The following SKI variants were observed in gnomAD, a reference collection of about 807,000 sequenced individuals.
The protein encoded by SKI is SKI proto-oncogene.
A neutral mutation model predicts 59.3 loss-of-function variants in SKI; 23 were observed. That is an observed-to-expected ratio of 0.39 (90% CI 0.28 to 0.55). SKI has a LOEUF of 0.55. Ranked by LOEUF, SKI falls within the 20% of genes least tolerant of loss-of-function variation. The probability of loss-of-function intolerance (pLI) is 0.67; values close to 1 mark genes in which losing one functional copy is unlikely to be tolerated. For missense variants in SKI, 1,017 were observed against 1,038.9 expected (o/e 0.98, Z 0.29); for synonymous variants, 673 against 488.6 (o/e 1.38, Z -4.98).
At chr1:2,271,178 C>T (rs1052338580) in intron 1 of SKI, among the ~76,000 whole-genome samples, 2 of 152,132 alleles carry the variant, frequency 1.3e-5, no homozygotes, top group African/African-American at 4.8e-5. Flanking sequence ...GGGACAGTCC[C>T]TGAGAAGCAC....
At chr1:2,247,478 AGAT>A (rs1319940593) in intron 1 of SKI, among the ~76,000 whole-genome samples, 42 of 152,348 alleles carry the variant, frequency 2.8e-4, no homozygotes, top group African/African-American at 1.0e-3. Flanking sequence ...GCTTCGCTGA[AGAT>A]GATACTTGCC....
Position 2,246,545 on chromosome 1 carries a change from C to T in SKI, c.969+16810C>T, listed in dbSNP as rs561739923. On this transcript the variant is annotated intron_variant, in intron 1 of 6. Transcript: ENST00000378536. The stretch of plus-strand genomic sequence containing the variant: ...TGGTGGTCAGGAAGCTGGAGCGTCT[C>T]GGCGCCAGATTCATGTTTGTAAGAG... 3.3e-5 allele frequency among the ~76,000 whole-genome samples: 5 copies of T among 152,266 alleles called. No individual in the cohort carries two copies. In the East Asian group the frequency reaches 5.8e-4, roughly 18 times the overall value.
intron 1 of SKI, among the ~76,000 whole-genome samples, chr1:2,237,991 G>A (rs745347300): frequency 1.2e-4 from 18 of 152,288 alleles, no homozygotes; most frequent in Non-Finnish European, 2.5e-4. Flanking sequence ...TCTCTCCCCG[G>A]TGCCCTCCCG....
chr1:2,298,716 A>T (rs1640349520), intron 1 of SKI, among the ~76,000 whole-genome samples: 1 of 152,222 alleles, frequency 6.6e-6, no homozygotes, highest in Non-Finnish European at 1.5e-5. Context: ...AGGTGCAGAC[A>T]TTCAGAGACA....
At position 2,228,894 on chromosome 1, in the gene SKI, C is replaced by T; in HGVS notation, c.128C>T (p.Ala43Val). ...CCGGCCGCTTTCTCGGCGCGCTGGG[C>T]GCAGGAGGCCTACAAGAAGGAGAGC... ...GGPAAFSARW[A>V]QEAYKKESAK... Residue 43 changes from alanine (A) to valine (V), a missense_variant, in exon 1 of 7, where the codon GCG becomes GTG. Transcript: ENST00000378536. 2 of 1,421,498 alleles carry T rather than the reference C, an allele frequency of 1.4e-6. No individual in the cohort carries two copies. Among genetic ancestry groups the T allele is most frequent in the South Asian group, 1.3e-5 (1 of 76,020 alleles). The allele number at this position is 1,421,498 out of a possible 1,614,324, so 88.1% of individuals were successfully genotyped here.
chr1:2,230,347 C>T (rs1360950065), intron 1 of SKI, among the ~76,000 whole-genome samples: 1 of 152,116 alleles, frequency 6.6e-6, no homozygotes, highest in Non-Finnish European at 1.5e-5. Context: ...GGCAGGGGCC[C>T]GAGACTTGGC....
chr1:2,233,350 G>T (rs1271498383), intron 1 of SKI, among the ~76,000 whole-genome samples: 4 of 152,098 alleles, frequency 2.6e-5, no homozygotes, highest in African/African-American at 9.7e-5. Flanking sequence ...GGGGCGGTGG[G>T]CTGCCTGTGT....
chr1:2,301,892 C>T (rs1640434314), intron 1 of SKI, among the ~76,000 whole-genome samples: 1 of 152,236 alleles, frequency 6.6e-6, no homozygotes, highest in Admixed American at 6.5e-5. Context: ...TGGTGTAGAC[C>T]TGGTGCCAGC....
intron 1 of SKI, among the ~76,000 whole-genome samples, chr1:2,254,162 C>G (rs1639224497): frequency 6.6e-6 from 1 of 152,184 alleles, no homozygotes; most frequent in African/African-American, 2.4e-5. Context: ...AGGTGTTGGA[C>G]CCACGTGGGA....
At chr1:2,280,259 C>G (rs1179331638) in intron 1 of SKI, among the ~76,000 whole-genome samples, 2 of 151,946 alleles carry the variant, frequency 1.3e-5, no homozygotes, top group Non-Finnish European at 2.9e-5. Context: ...CCTGTAGTCC[C>G]CAGCTACTTG....
At chr1:2,250,339 C>T (rs1001672598) in intron 1 of SKI, among the ~76,000 whole-genome samples, 4 of 152,220 alleles carry the variant, frequency 2.6e-5, no homozygotes, top group Non-Finnish European at 4.4e-5. Flanking sequence ...ACCCGCTGTC[C>T]GTTCCCAGCG....
Position 2,308,211 on chromosome 1 carries a change from A to G in SKI, c.*1446A>G, listed in dbSNP as rs979253126. On this transcript the variant is annotated 3_prime_UTR_variant, in exon 7 of 7. Coordinates refer to ENST00000378536, the MANE Select transcript of SKI (RefSeq NM_003036.4). ...TTGAATCCGTTCTAACACCCGCGGC[A>G]GCTGCACGCGCTCACAGAAGGTGGA... 7 of 152,204 alleles carry G rather than the reference A, an allele frequency of 4.6e-5. No individual in the cohort carries two copies. The highest frequency in any genetic ancestry group is 1.0e-4 in the Non-Finnish European group (7 of 68,046). The allele number at this position is 152,204 out of a possible 1,614,324, so 9.4% of individuals were successfully genotyped here. A position where few individuals can be genotyped will look rare whatever the true frequency, so the allele number is the denominator to read the frequency against.
chr1:2,239,639 G>C (rs2100806346), intron 1 of SKI, among the ~76,000 whole-genome samples: 1 of 152,378 alleles, frequency 6.6e-6, no homozygotes, highest in South Asian at 2.1e-4. Context: ...CTGGTGGCGG[G>C]CTCCCTGGTG....
At chr1:2,285,804 G>C (rs1640027602) in intron 1 of SKI, among the ~76,000 whole-genome samples, 1 of 149,766 alleles carries the variant, frequency 6.7e-6, no homozygotes, top group African/African-American at 2.5e-5. Flanking sequence ...GACCTCACAT[G>C]ATCTGCTCAT....
chr1:2,298,680 C>T (rs1181649386), intron 1 of SKI, among the ~76,000 whole-genome samples: 1 of 152,254 alleles, frequency 6.6e-6, no homozygotes, highest in African/African-American at 2.4e-5. Context: ...CTGGGTGCTG[C>T]TTCCAGGCAG....
At chr1:2,285,993 C>T (rs1640033246) in intron 1 of SKI, among the ~76,000 whole-genome samples, 1 of 151,760 alleles carries the variant, frequency 6.6e-6, no homozygotes, top group Admixed American at 6.6e-5. Context: ...CCTGCCTCAG[C>T]CTCCCGAGTA....
rs796259982 is a variant in SKI at position 2,303,494 on chromosome 1, G to A, written c.1211+94G>A. 5.9e-5 allele frequency: 66 copies of A among 1,115,886 alleles called. No individual in the cohort carries two copies. The African/African-American group carries it at 8.5e-4, about 14-fold the overall frequency. The allele number at this position is 1,115,886 out of a possible 1,614,324, so 69.1% of individuals were successfully genotyped here. On this transcript the variant is annotated intron_variant, in intron 3 of 6. Transcript: ENST00000378536. This position sits in a 1 kb window ranked among gnomAD's most constrained non-coding sequence, Gnocchi z 5.6. ...GCGCCCATGTTTCTGCAGGCTGGGT[G>A]CCCAGACCTGCCGCCTTTTGGTCAG...
At chr1:2,238,164 C>A (rs150510334) in intron 1 of SKI, among the ~76,000 whole-genome samples, 3 of 152,352 alleles carry the variant, frequency 2.0e-5, no homozygotes, top group Non-Finnish European at 4.4e-5. Flanking sequence ...GGAGTTAGGC[C>A]TCATTGTCCG....
chr1:2,299,078 G>T (rs1234931378), intron 1 of SKI, among the ~76,000 whole-genome samples: 1 of 152,252 alleles, frequency 6.6e-6, no homozygotes, highest in Non-Finnish European at 1.5e-5. Flanking sequence ...AATTCTCTCA[G>T]CAAAGGCTGA....
Sources: allele counts gnomAD v4.1 joint callset (sites outside exome capture counted in the v4.1 genomes callset), GRCh38; gene constraint gnomAD v4.1.1; non-coding constraint Gnocchi (gnomAD v3.1); transcripts MANE v1.5; gene names NCBI Gene and HGNC (gene_info 2026-07-23, HGNC 2026-07-21).